CD2AP: variants seen among roughly 807,000 people sequenced by gnomAD.
The protein encoded by CD2AP is CD2-associated protein.
CD2AP carries 46 observed loss-of-function variants against 85.1 expected under a neutral mutation model. The ratio of observed to expected loss-of-function variants is 0.54; its 90% CI spans 0.43 to 0.69. The LOEUF (loss-of-function observed/expected upper bound fraction) is 0.69. Among genes scored for constraint, CD2AP ranks in the 30% least tolerant of loss-of-function variants. The pLI is 0.00. For missense variants in CD2AP, 769 were observed against 729.5 expected, an observed-to-expected ratio of 1.05 and a Z score of -0.62; for synonymous variants, 255 against 252.9, an observed-to-expected ratio of 1.01 and a Z score of -0.08.
chr6:47,608,245 A>G (rs1314142823), intron 15 of CD2AP, among the ~76,000 whole-genome samples: 1 of 152,172 alleles, frequency 6.6e-6, no homozygotes, highest in Non-Finnish European at 1.5e-5. Context: ...TAAATATTAC[A>G]TATTTCATAT....
At position 47,503,980 on chromosome 6, in the gene CD2AP, CT is replaced by C. The variant is rs147960960; in HGVS notation, c.165+545del. On this transcript the variant is annotated intron_variant, in intron 2 of 17. Coordinates refer to ENST00000359314, the MANE Select transcript of CD2AP (RefSeq NM_012120.3). Reference sequence around the variant, plus strand: ...CAACAACAAAATGCATTTGGTCATACTTTTTGTGTTTCAGCATTATAGCAGT... The same window carrying C: ...CAACAACAAAATGCATTTGGTCATACTTTTGTGTTTCAGCATTATAGCAGT... 7.9e-3 allele frequency among the ~76,000 whole-genome samples: 1,201 copies of C among 152,302 alleles called. 15 individuals are homozygous for C. Among genetic ancestry groups the C allele is most frequent in the African/African-American group, 0.027 (1,121 of 41,558 alleles).
chr6:47,525,697 G>T (rs1766702717), intron 2 of CD2AP, among the ~76,000 whole-genome samples: 1 of 152,076 alleles, frequency 6.6e-6, no homozygotes. Flanking sequence ...ATGAAGAGTA[G>T]ATATACCCTT....
intron 16 of CD2AP, among the ~76,000 whole-genome samples, chr6:47,611,622 T>G (rs1177071027): frequency 6.6e-6 from 1 of 151,984 alleles, no homozygotes; most frequent in African/African-American, 2.4e-5. Context: ...TTTTACTTTT[T>G]CAAGCTGTTA....
At chr6:47,602,191 A>G (rs1449463986) in intron 13 of CD2AP, among the ~76,000 whole-genome samples, 1 of 152,028 alleles carries the variant, frequency 6.6e-6, no homozygotes, top group Non-Finnish European at 1.5e-5. Context: ...ACTTTTGTAC[A>G]TGTAAGAAAG....
At chr6:47,579,556 A>C (rs1298865114) in intron 9 of CD2AP, 67 bp downstream of exon 9, 1 of 1,017,456 alleles carries the variant, frequency 9.8e-7, no homozygotes, top group Non-Finnish European at 1.5e-6. Flanking sequence ...TTTTGCAAAC[A>C]AGTTTTTTTG....
chr6:47,564,492 G>A (rs1484985191), intron 5 of CD2AP, among the ~76,000 whole-genome samples: 1 of 152,026 alleles, frequency 6.6e-6, no homozygotes, highest in African/African-American at 2.4e-5. Flanking sequence ...GCTTGATTTG[G>A]ATTTTAGTAA....
chr6:47,563,485 A>G (rs1171857049), intron 5 of CD2AP, among the ~76,000 whole-genome samples: 1 of 152,200 alleles, frequency 6.6e-6, no homozygotes, highest in Non-Finnish European at 1.5e-5. Flanking sequence ...CAAAATTGAC[A>G]TGTCATTTCC....
At chr6:47,584,122 C>G (rs1001705259) in intron 11 of CD2AP, among the ~76,000 whole-genome samples, 1 of 151,754 alleles carries the variant, frequency 6.6e-6, no homozygotes, top group African/African-American at 2.4e-5. Context: ...CAGTTTCTTT[C>G]TTTGTATATT....
At chr6:47,530,127 T>C (rs1766834569) in intron 2 of CD2AP, among the ~76,000 whole-genome samples, 1 of 152,258 alleles carries the variant, frequency 6.6e-6, no homozygotes, top group African/African-American at 2.4e-5. Flanking sequence ...ACTGAATTTA[T>C]GTTAGCTACA....
At chr6:47,518,341 T>C (rs930512984) in intron 2 of CD2AP, among the ~76,000 whole-genome samples, 5 of 152,252 alleles carry the variant, frequency 3.3e-5, no homozygotes, top group African/African-American at 1.2e-4. Context: ...ATTAGAACAT[T>C]CATTATCTGC....
chr6:47,511,928 G>A (rs972333773), intron 2 of CD2AP, among the ~76,000 whole-genome samples: 1 of 152,152 alleles, frequency 6.6e-6, no homozygotes, highest in African/African-American at 2.4e-5. Context: ...GGAGGCCGAG[G>A]TGGGCGGATC....
At chr6:47,577,604 C>T (rs1236526241) in intron 8 of CD2AP, among the ~76,000 whole-genome samples, 2 of 152,064 alleles carry the variant, frequency 1.3e-5, no homozygotes, top group Non-Finnish European at 2.9e-5. Context: ...TGGAATAAAT[C>T]CTAATGCAAA....
intron 1 of CD2AP, among the ~76,000 whole-genome samples, chr6:47,495,594 C>T (rs180738016): frequency 2.0e-3 from 311 of 152,262 alleles, no homozygotes; most frequent in Non-Finnish European, 3.7e-3. Flanking sequence ...AAATAGATCT[C>T]GTCCGTGACT....
intron 2 of CD2AP, among the ~76,000 whole-genome samples, chr6:47,512,971 G>T (rs1405138195): frequency 6.6e-6 from 1 of 152,104 alleles, no homozygotes. Flanking sequence ...GTTACAAATG[G>T]GTTTTATAAC....
chr6:47,543,012 G>C (rs1562024041), intron 3 of CD2AP, among the ~76,000 whole-genome samples: 1 of 151,852 alleles, frequency 6.6e-6, no homozygotes, highest in South Asian at 2.1e-4. Context: ...TTAGCTGGGC[G>C]TGGTGGCGCT....
chr6:47,518,288 C>T (rs1766503540), intron 2 of CD2AP, among the ~76,000 whole-genome samples: 1 of 152,172 alleles, frequency 6.6e-6, no homozygotes, highest in Non-Finnish European at 1.5e-5. Context: ...TATACCTATG[C>T]AGCTATACCT....
At chr6:47,558,101 GTTTGCTCATGA>G (rs1767745257) in intron 5 of CD2AP, among the ~76,000 whole-genome samples, 2 of 152,110 alleles carry the variant, frequency 1.3e-5, no homozygotes, top group African/African-American at 4.8e-5. Context: ...GTGAATGGGA[GTTTGCTCATGA>G]TTTGGCCCTC....
At chr6:47,596,698 G>A (rs1768961417) in intron 12 of CD2AP, among the ~76,000 whole-genome samples, 1 of 151,974 alleles carries the variant, frequency 6.6e-6, no homozygotes, top group Non-Finnish European at 1.5e-5. Flanking sequence ...TTTGGCTGTT[G>A]TGAATAGTGC....
chr6:47,504,446 G>A (rs1211449002), intron 2 of CD2AP, among the ~76,000 whole-genome samples: 3 of 152,178 alleles, frequency 2.0e-5, no homozygotes, highest in East Asian at 3.8e-4. Context: ...AGGAAACACC[G>A]TGGATACCAA....
Sources: gnomAD v4.1 joint callset for allele counts (sites outside exome capture counted in the v4.1 genomes callset) on GRCh38, gnomAD v4.1.1 for gene constraint, MANE v1.5 for transcripts, NCBI Gene and HGNC (gene_info 2026-07-23, HGNC 2026-07-21) for gene names.